The following PPP4R3A variants were observed in gnomAD, a reference collection of about 807,000 sequenced individuals.
The protein encoded by PPP4R3A is protein phosphatase 4 regulatory subunit 3A.
In PPP4R3A, 15 loss-of-function variants were observed where a neutral mutation model predicts 91.7. The observed-to-expected ratio is 0.16, with a 90% CI of 0.11 to 0.25. PPP4R3A has a LOEUF of 0.25. PPP4R3A is among the 10% of genes least tolerant of loss of function. The pLI, the probability that PPP4R3A is intolerant of heterozygous loss-of-function variation, is 1.00. For synonymous variants in PPP4R3A, 377 were observed against 348.7 expected, an observed-to-expected ratio of 1.08 and a Z score of -0.91; for missense variants, 623 against 998.4, an observed-to-expected ratio of 0.62 and a Z score of 5.07.
chr14:91,508,121 C>T (rs917036208), intron 1 of PPP4R3A, among the ~76,000 whole-genome samples: 3 of 152,158 alleles, frequency 2.0e-5, no homozygotes, highest in East Asian at 1.9e-4. Flanking sequence ...ATTACACTAA[C>T]ACTTGACATT....
chr14:91,480,386 A>C (rs1197437945), intron 4 of PPP4R3A, among the ~76,000 whole-genome samples: 5 of 152,030 alleles, frequency 3.3e-5, no homozygotes, highest in Admixed American at 6.5e-5. Flanking sequence ...CGGAGCTGAA[A>C]CTCAAATTCA....
At chr14:91,484,174 A>G (rs1889738992) in intron 3 of PPP4R3A, among the ~76,000 whole-genome samples, 1 of 152,224 alleles carries the variant, frequency 6.6e-6, no homozygotes, top group South Asian at 2.1e-4. Context: ...TTCAGATATA[A>G]ATGTTAGTCC....
At chr14:91,502,792 T>C (rs1891045404) in intron 1 of PPP4R3A, among the ~76,000 whole-genome samples, 1 of 152,236 alleles carries the variant, frequency 6.6e-6, no homozygotes, top group Non-Finnish European at 1.5e-5. Flanking sequence ...AACTCTAAGA[T>C]ATGAGTCAGA....
chr14:91,496,634 A>G (rs1264632411), intron 1 of PPP4R3A, among the ~76,000 whole-genome samples: 1 of 152,186 alleles, frequency 6.6e-6, no homozygotes, highest in Non-Finnish European at 1.5e-5. Flanking sequence ...GTGTTGGGAA[A>G]TGTTTTTCTG....
chr14:91,481,552 G>A, intron 4 of PPP4R3A, 24 bp downstream of exon 4: 1 of 1,510,616 alleles, frequency 6.6e-7, no homozygotes, highest in Non-Finnish European at 8.8e-7. Context: ...CTTGAAATAT[G>A]AAAAAAGGAA....
chr14:91,506,683 T>C (rs942005278), intron 1 of PPP4R3A, among the ~76,000 whole-genome samples: 4 of 152,140 alleles, frequency 2.6e-5, no homozygotes, highest in Admixed American at 1.3e-4. Context: ...CCAGAGCAGA[T>C]AGGACTACAG....
At chr14:91,493,703 A>G (rs868824128) in intron 1 of PPP4R3A, among the ~76,000 whole-genome samples, 2 of 150,982 alleles carry the variant, frequency 1.3e-5, no homozygotes, top group Middle Eastern at 3.4e-3. Context: ...AATTACTAGA[A>G]TAAAAATTGC....
rs999310631 is a variant in PPP4R3A, at chr14:91,461,522, A to G, written c.2250T>C (p.Ser750=). 1.9e-6 allele frequency: 3 copies of G among 1,613,986 alleles called. No individual in the cohort carries two copies. Among genetic ancestry groups the G allele is most frequent in the South Asian group, 1.1e-5 (1 of 91,074 alleles). ...GGCTGGTGAGGTTAGTCTTCGTTCC[A>G]CTGGACAGGGAAAGCTTGAAACTTG... ...QSPSFKLSLS[S]GTKTNLTSQS... Residue 750 remains serine (S), a synonymous_variant, in exon 14 of 15, where the codon AGT becomes AGC. Transcript: ENST00000554943.
chr14:91,477,108 G>GTAT, intron 4 of PPP4R3A, 122 bp from the exon 5 acceptor site: 2 of 400,228 alleles, frequency 5.0e-6, no homozygotes, highest in Non-Finnish European at 7.2e-6. Flanking sequence ...TGGCAATGCT[G>GTAT]TCTTTTTTTT....
chr14:91,459,057 C>A (rs1346305479), intron 14 of PPP4R3A, among the ~76,000 whole-genome samples, 188 bp from the exon 15 acceptor site: 1 of 151,924 alleles, frequency 6.6e-6, no homozygotes, highest in Non-Finnish European at 1.5e-5. Context: ...AATAAACATG[C>A]ATACTTTTTT....
chr14:91,479,057 G>C (rs1310168456), intron 4 of PPP4R3A, among the ~76,000 whole-genome samples: 1 of 152,122 alleles, frequency 6.6e-6, no homozygotes, highest in East Asian at 1.9e-4. Flanking sequence ...GGGATTACAG[G>C]CATGTGCCTC....
intron 1 of PPP4R3A, among the ~76,000 whole-genome samples, chr14:91,499,967 G>C (rs1890840048): frequency 6.6e-6 from 1 of 152,004 alleles, no homozygotes; most frequent in Non-Finnish European, 1.5e-5. Context: ...TGGAGATAAA[G>C]ATGGCTGGTA....
At chr14:91,492,573 C>G (rs1890290289) in intron 1 of PPP4R3A, among the ~76,000 whole-genome samples, 1 of 152,194 alleles carries the variant, frequency 6.6e-6, no homozygotes, top group Non-Finnish European at 1.5e-5. Flanking sequence ...CACTTCACAC[C>G]AACCCTCCCA....
chr14:91,497,379 CGAT>C (rs1381723614), intron 1 of PPP4R3A, among the ~76,000 whole-genome samples: 2 of 134,220 alleles, frequency 1.5e-5, no homozygotes, highest in African/African-American at 2.8e-5. Flanking sequence ...CACACACACA[CGAT>C]ACCTTTTCCC....
At chr14:91,500,367 A>G (rs962939140) in intron 1 of PPP4R3A, among the ~76,000 whole-genome samples, 1 of 152,024 alleles carries the variant, frequency 6.6e-6, no homozygotes, top group East Asian at 1.9e-4. Context: ...CGCCCAGCTA[A>G]TTTTTGTATT....
intron 1 of PPP4R3A, among the ~76,000 whole-genome samples, chr14:91,493,246 G>A (rs1267937677): frequency 2.8e-4 from 40 of 144,134 alleles, no homozygotes; most frequent in Admixed American, 2.4e-3. Flanking sequence ...AAAATTAGCC[G>A]GGCATGGTTG....
intron 14 of PPP4R3A, among the ~76,000 whole-genome samples, chr14:91,459,137 CTA>C (rs920359058): frequency 5.9e-5 from 9 of 152,148 alleles, no homozygotes; most frequent in African/African-American, 1.9e-4. Context: ...CGGAGTCTCG[CTA>C]TGTCACCCAG....
At chr14:91,491,758 A>G (rs1890245672) in intron 1 of PPP4R3A, among the ~76,000 whole-genome samples, 1 of 152,160 alleles carries the variant, frequency 6.6e-6, no homozygotes, top group Non-Finnish European at 1.5e-5. Flanking sequence ...CTTGTAACCT[A>G]AGAAATGTTT....
intron 1 of PPP4R3A, among the ~76,000 whole-genome samples, chr14:91,503,754 T>G (rs910812459): frequency 6.6e-6 from 1 of 152,122 alleles, no homozygotes; most frequent in Non-Finnish European, 1.5e-5. Flanking sequence ...AGAAAAGTAG[T>G]ATAATGATTT....
Sources: allele counts gnomAD v4.1 joint callset (sites outside exome capture counted in the v4.1 genomes callset), GRCh38; gene constraint gnomAD v4.1.1; transcripts MANE v1.5; gene names NCBI Gene and HGNC (gene_info 2026-07-23, HGNC 2026-07-21).